Variants in SOBP observed in about 807,000 individuals in gnomAD.
The protein encoded by SOBP is sine oculis-binding protein homolog.
A neutral mutation model predicts 53.6 loss-of-function variants in SOBP; 4 were observed. The ratio of observed to expected loss-of-function variants is 0.07; its 90% confidence interval spans 0.04 to 0.17. SOBP has a LOEUF of 0.17. SOBP is among the 10% of genes least tolerant of loss of function. The probability of loss-of-function intolerance (pLI) is 1.00; values close to 1 mark genes in which losing one functional copy is unlikely to be tolerated. For missense variants in SOBP, 1,088 were observed against 1,204.7 expected, an observed-to-expected ratio of 0.90 and a Z score of 1.43; for synonymous variants, 584 against 522.6, an observed-to-expected ratio of 1.12 and a Z score of -1.60.
intron 5 of SOBP, among the ~76,000 whole-genome samples, chr6:107,594,172 C>T (rs1354282661): frequency 6.6e-6 from 1 of 152,098 alleles, no homozygotes; most frequent in Non-Finnish European, 1.5e-5. Context: ...TGTCTGCGTC[C>T]TGGTGTGTGA....
At chr6:107,492,177 A>AT (rs1014928897) in intron 1 of SOBP, among the ~76,000 whole-genome samples, 9 of 151,962 alleles carry the variant, frequency 5.9e-5, no homozygotes, top group African/African-American at 1.2e-4. Context: ...GTTTTATTTT[A>AT]TTTTTTTTAA....
chr6:107,627,541 A>G (rs563121361), intron 5 of SOBP, among the ~76,000 whole-genome samples: 2 of 152,334 alleles, frequency 1.3e-5, no homozygotes, highest in South Asian at 4.1e-4. Flanking sequence ...TTTCACTTCT[A>G]ACAAAGATGT....
At chr6:107,609,437 T>C (rs1187003664) in intron 5 of SOBP, among the ~76,000 whole-genome samples, 1 of 152,208 alleles carries the variant, frequency 6.6e-6, no homozygotes. Flanking sequence ...TGTATACTCT[T>C]AGGCTACACT....
intron 5 of SOBP, among the ~76,000 whole-genome samples, chr6:107,606,678 A>G (rs1331020101): frequency 1.3e-5 from 2 of 152,138 alleles, no homozygotes; most frequent in African/African-American, 4.8e-5. Context: ...GGGTTCCTAC[A>G]CTGAAGGTCT....
At chr6:107,636,178 C>G (rs902808359) in intron 6 of SOBP, 1 of 157,778 alleles carries the variant, frequency 6.3e-6, no homozygotes, top group African/African-American at 2.4e-5. Context: ...GCTCTCTCCC[C>G]CTTTTGGGGC....
intron 5 of SOBP, among the ~76,000 whole-genome samples, chr6:107,615,548 G>A (rs960343575): frequency 1.3e-5 from 2 of 152,178 alleles, no homozygotes; most frequent in Non-Finnish European, 2.9e-5. Context: ...TCAGTGGGCA[G>A]TCCCCTTCTG....
chr6:107,510,728 A>G (rs1002838947), intron 3 of SOBP: 2 of 152,184 alleles, frequency 1.3e-5, no homozygotes, highest in African/African-American at 4.8e-5. Flanking sequence ...GAGATATGCT[A>G]CTGTCAATTT....
At position 107,607,101 on chromosome 6, in the gene SOBP, A is replaced by G. The variant is rs77209935; in HGVS notation, c.669+19926A>G. 4.6e-3 allele frequency among the ~76,000 whole-genome samples: 695 copies of G among 152,244 alleles called. 6 individuals are homozygous for G. Among genetic ancestry groups the G allele is most frequent in the African/African-American group, 0.016 (659 of 41,542 alleles). ...GGACGTGCTCTGGGTGATGTTATTG[A>G]TATGGCTCACATACATTTTCCAGGA... On this transcript the variant is annotated intron_variant, in intron 5 of 6. Transcript: ENST00000317357.
At chr6:107,648,540 T>A (rs925043673) in intron 6 of SOBP, among the ~76,000 whole-genome samples, 1 of 152,032 alleles carries the variant, frequency 6.6e-6, no homozygotes, top group Non-Finnish European at 1.5e-5. Context: ...TTTTTTTTTT[T>A]TCTTATGAAA....
chr6:107,504,679 C>T (rs529133623), intron 2 of SOBP, among the ~76,000 whole-genome samples: 3 of 152,334 alleles, frequency 2.0e-5, no homozygotes, highest in African/African-American at 4.8e-5. Flanking sequence ...CCTGTTCAAA[C>T]GTTTTATTTC....
intron 6 of SOBP, among the ~76,000 whole-genome samples, chr6:107,650,736 G>T (rs1771769357): frequency 6.6e-6 from 1 of 152,134 alleles, no homozygotes; most frequent in African/African-American, 2.4e-5. Flanking sequence ...ATACAAGATT[G>T]AAAGTAGGCC....
intron 4 of SOBP, among the ~76,000 whole-genome samples, chr6:107,540,929 T>G (rs1466376614): frequency 6.6e-6 from 1 of 152,246 alleles, no homozygotes; most frequent in Non-Finnish European, 1.5e-5. Context: ...ATTTTTAAAC[T>G]ATGGAATATT....
chr6:107,606,782 T>C (rs1786401624), intron 5 of SOBP, among the ~76,000 whole-genome samples: 1 of 152,228 alleles, frequency 6.6e-6, no homozygotes, highest in Admixed American at 6.5e-5. Flanking sequence ...TGGACTTGAC[T>C]GGCCTCCCTC....
At chr6:107,492,508 C>T (rs1023606510) in intron 1 of SOBP, among the ~76,000 whole-genome samples, 1 of 152,140 alleles carries the variant, frequency 6.6e-6, no homozygotes, top group Non-Finnish European at 1.5e-5. Flanking sequence ...TGACTGTGCT[C>T]GATGCTTGGG....
chr6:107,656,194 T>G (rs1471774702), intron 6 of SOBP, among the ~76,000 whole-genome samples: 1 of 152,154 alleles, frequency 6.6e-6, no homozygotes, highest in African/African-American at 2.4e-5. Context: ...CTGCAGCTCC[T>G]CAATTTTTGT....
At chr6:107,552,773 A>T (rs1418009372) in intron 4 of SOBP, among the ~76,000 whole-genome samples, 3 of 151,958 alleles carry the variant, frequency 2.0e-5, no homozygotes, top group Admixed American at 6.5e-5. Context: ...AAAGTCAGCC[A>T]CTGATCAGGG....
chr6:107,638,834 T>C (rs1771180536), intron 6 of SOBP, among the ~76,000 whole-genome samples: 1 of 152,074 alleles, frequency 6.6e-6, no homozygotes. Flanking sequence ...ATAACTTCAG[T>C]CAGCTCTTCA....
At chr6:107,560,201 C>T (rs1450161398) in intron 4 of SOBP, among the ~76,000 whole-genome samples, 1 of 152,166 alleles carries the variant, frequency 6.6e-6, no homozygotes, top group African/African-American at 2.4e-5. Flanking sequence ...ATTTCAGGAG[C>T]CTTACTTATC....
intron 4 of SOBP, among the ~76,000 whole-genome samples, chr6:107,568,828 T>C (rs1784990076): frequency 6.6e-6 from 1 of 152,214 alleles, no homozygotes; most frequent in Non-Finnish European, 1.5e-5. Context: ...ATGTTATCAC[T>C]CTCAGCAGGC....
Sources: gnomAD v4.1 joint callset for allele counts (sites outside exome capture counted in the v4.1 genomes callset) on GRCh38, gnomAD v4.1.1 for gene constraint, MANE v1.5 for transcripts, NCBI Gene and HGNC (gene_info 2026-07-23, HGNC 2026-07-21) for gene names.